Variants in DYNC1H1 observed in about 807,000 individuals in gnomAD.
The protein encoded by DYNC1H1 is cytoplasmic dynein 1 heavy chain 1.
In DYNC1H1, 51 loss-of-function variants were observed where a neutral mutation model predicts 527.1. The ratio of observed to expected loss-of-function variants is 0.10; its 90% confidence interval spans 0.08 to 0.12. The LOEUF is 0.12. Ranked by LOEUF, DYNC1H1 falls within the 10% of genes least tolerant of loss-of-function variation. The pLI, the probability that DYNC1H1 is intolerant of heterozygous loss-of-function variation, is 1.00. For missense variants in DYNC1H1, 2,771 were observed against 5,971.8 expected, an observed-to-expected ratio of 0.46 and a Z score of 17.66; for synonymous variants, 2,189 against 2,278.8, an observed-to-expected ratio of 0.96 and a Z score of 1.12.
At chr14:101,984,122 C>T (rs1325821122) in intron 7 of DYNC1H1, among the ~76,000 whole-genome samples, 5 of 151,956 alleles carry the variant, frequency 3.3e-5, no homozygotes, top group African/African-American at 7.3e-5. Context: ...CGCACCCCAC[C>T]ATGCCCAGCT....
At position 102,010,489 on chromosome 14, in the gene DYNC1H1, C is replaced by T. The variant is rs1456859090; in HGVS notation, c.6405+30C>T. The T allele has an allele frequency of 1.9e-6, 3 of 1,611,500 alleles. No homozygotes were observed. The highest frequency in any genetic ancestry group is 2.5e-6 in the Non-Finnish European group (3 of 1,178,632). On this transcript the variant is annotated intron_variant, in intron 31 of 77. Transcript: ENST00000360184. This position sits in a 1 kb window ranked among gnomAD's most constrained non-coding sequence, Gnocchi z 6.0. ...GTTACAAACGTTTTGATCACTCAAA[C>T]CTTATACGTTATTTAAATTTACCTT...
chr14:101,995,420 G>C, intron 15 of DYNC1H1, 120 bp downstream of exon 15: 1 of 1,257,474 alleles, frequency 8.0e-7, no homozygotes, highest in Non-Finnish European at 1.2e-6. Flanking sequence ...GACCATCCTG[G>C]CTAACACGGT....
At position 101,980,371 on chromosome 14, in the gene DYNC1H1, A is replaced by C; in HGVS notation, c.782A>C (p.Lys261Thr). ...RWIREIQKVT[K>T]LDRDPASGTA... ...GTTATTTTATTTTCAAAGGTGACCA[A>C]ACTGGATCGAGATCCTGCATCAGGA... Residue 261 changes from lysine (K) to threonine (T), a missense_variant, in exon 5 of 78, where the codon AAA becomes ACA. Physicochemically the swap from Lys to Thr is moderately conservative, Grantham distance 78. Transcript: ENST00000360184. 1.2e-6 allele frequency: 2 copies of C among 1,614,198 alleles called. No individual in the cohort carries two copies. Among genetic ancestry groups the C allele is most frequent in the Non-Finnish European group, 1.7e-6 (2 of 1,180,050 alleles).
rs1367705340 is a variant in DYNC1H1, at chr14:102,010,918, A to C, written c.6584A>C (p.Asp2195Ala). Residue 2195 changes from aspartate (D) to alanine (A), a missense_variant, in exon 32 of 78, where the codon GAT (aspartate) becomes GCT (alanine). Coordinates refer to ENST00000360184, the MANE Select transcript of DYNC1H1 (RefSeq NM_001376.5). The surrounding 1 kb of genome is among the most constrained non-coding windows in gnomAD (Gnocchi z 6.0). ...VCQEMYLTYG[D>A]GEEVGGMWVE... ...CAGGAGATGTATTTGACATATGGAGATGGAGAAGAAGTTGGTGGAATGTGG... is the reference window on the plus strand; with the variant it reads ...CAGGAGATGTATTTGACATATGGAGCTGGAGAAGAAGTTGGTGGAATGTGG... The C allele has an allele frequency of 1.9e-6, 3 of 1,614,210 alleles. No homozygotes were observed. The highest frequency in any genetic ancestry group is 2.5e-6 in the Non-Finnish European group (3 of 1,180,038).
chr14:102,046,507 T>C (rs1228323267), intron 72 of DYNC1H1, among the ~76,000 whole-genome samples: 4 of 131,828 alleles, frequency 3.0e-5, no homozygotes, highest in Non-Finnish European at 6.9e-5. Flanking sequence ...GCTGGGCGGG[T>C]CTGGAGGGAG....
At chr14:102,025,165 G>A (rs1294800780) in intron 43 of DYNC1H1, among the ~76,000 whole-genome samples, 3 of 151,968 alleles carry the variant, frequency 2.0e-5, no homozygotes, top group South Asian at 2.1e-4. Flanking sequence ...GTGAAACCCC[G>A]TCTCGCCGAG....
chr14:102,047,988 A>T lies in DYNC1H1; in HGVS notation c.13178A>T (p.Gln4393Leu). 1 of 1,612,428 alleles carries T rather than the reference A, an allele frequency of 6.2e-7. No individual in the cohort carries two copies. The highest frequency in any genetic ancestry group is 8.5e-7 in the Non-Finnish European group (1 of 1,179,968). The change falls in exon 73 of 78, where the codon CAG (glutamine) becomes CTG (leucine). Residue 4393 changes from glutamine to leucine, a missense_variant. This residue lies in a region of DYNC1H1 where 170 missense variants were observed against 249.8 expected (regional missense o/e 0.68). Coordinates refer to ENST00000360184, the MANE Select transcript of DYNC1H1 (RefSeq NM_001376.5). ...TCCAACTGGCTGCACCTCATCCCCCAGACGCTGAGCCACCTCAAGCGCACC... is the reference window on the plus strand; with the variant it reads ...TCCAACTGGCTGCACCTCATCCCCCTGACGCTGAGCCACCTCAAGCGCACC... ...TASNWLHLIPQTLSHLKRTVE... is the reference protein window; with the variant it reads ...TASNWLHLIPLTLSHLKRTVE...
chr14:102,010,639 C>G lies in DYNC1H1; in HGVS notation c.6406-101C>G. 1 of 1,539,258 alleles carries G rather than the reference C, an allele frequency of 6.5e-7. No individual in the cohort carries two copies. Among genetic ancestry groups the G allele is most frequent in the Non-Finnish European group, 8.9e-7 (1 of 1,122,508 alleles). On this transcript the variant is annotated intron_variant, in intron 31 of 77. Transcript: ENST00000360184. The surrounding 1 kb of genome is among the most constrained non-coding windows in gnomAD (Gnocchi z 6.0). ...GAATGTGGGCGAGTGGTGCTCGCAC[C>G]CTTTGTTCACCAACAGTTACTGATC...
intron 55 of DYNC1H1, 30 bp downstream of exon 55, chr14:102,034,218 G>C: frequency 6.2e-7 from 1 of 1,614,216 alleles, no homozygotes; most frequent in South Asian, 1.1e-5. Context: ...CAAAAAGGAT[G>C]TGCGAGCAGT....
chr14:101,986,811 A>G lies in DYNC1H1; in HGVS notation c.2538+48A>G, dbSNP rs1233896233. On this transcript the variant is annotated intron_variant, in intron 8 of 77. Coordinates refer to ENST00000360184, the MANE Select transcript of DYNC1H1 (RefSeq NM_001376.5). The surrounding 1 kb of genome is among the most constrained non-coding windows in gnomAD (Gnocchi z 8.7). The stretch of plus-strand genomic sequence containing the variant: ...GGTGTCCTGGTAACGAATGAAGCAC[A>G]GTAATAGCGAGCTCAGTTAAAACAC... The G allele has an allele frequency of 8.7e-6, 14 of 1,601,730 alleles. No individual in the cohort carries two copies. Among genetic ancestry groups the G allele is most frequent in the African/African-American group, 1.3e-5 (1 of 74,680 alleles).
At chr14:101,974,293 T>G (rs2141265802) in intron 1 of DYNC1H1, among the ~76,000 whole-genome samples, 1 of 152,198 alleles carries the variant, frequency 6.6e-6, no homozygotes, top group Non-Finnish European at 1.5e-5. Flanking sequence ...GAGACGGGGT[T>G]TCTCCTTGTT....
intron 23 of DYNC1H1, among the ~76,000 whole-genome samples, chr14:102,003,857 C>T (rs1036861453): frequency 1.3e-5 from 2 of 151,922 alleles, no homozygotes; most frequent in East Asian, 1.9e-4. Flanking sequence ...ATCCGGGAGG[C>T]GGAGGTTGCA....
chr14:102,050,463 C>T lies in DYNC1H1; in HGVS notation c.13841C>T (p.Thr4614Ile), dbSNP rs751439366. ...VVTLPVYLNF[T>I]RADLIFTVDF... ...ACCTTACCTGTCTACCTGAACTTCA[C>T]CCGTGCAGACCTCATCTTCACCGTG... Residue 4614 changes from threonine (T) to isoleucine (I), a missense_variant, in exon 78 of 78, where the codon ACC (threonine) becomes ATC (isoleucine). Coordinates refer to ENST00000360184, the MANE Select transcript of DYNC1H1 (RefSeq NM_001376.5). 6.2e-7 allele frequency: 1 copy of T among 1,614,118 alleles called. No homozygotes were observed. The highest frequency in any genetic ancestry group is 8.5e-7 in the Non-Finnish European group (1 of 1,180,060).
chr14:101,973,151 C>T (rs1036602573), intron 1 of DYNC1H1, among the ~76,000 whole-genome samples: 3 of 151,906 alleles, frequency 2.0e-5, no homozygotes, highest in African/African-American at 7.3e-5. Flanking sequence ...TCCAAATATA[C>T]CCAAAACAAT....
rs149824412 is a variant in DYNC1H1 at position 102,044,271 on chromosome 14, C to A, written c.12685-3C>A. Reference sequence around the variant, plus strand: ...CACACGAACCCTGCTTTTCCTCCCCCAGGGCAGGCAGAACATCTCACCGGA... The same window carrying A: ...CACACGAACCCTGCTTTTCCTCCCCAAGGGCAGGCAGAACATCTCACCGGA... On this transcript the variant is annotated splice_region_variant and splice_polypyrimidine_tract_variant and intron_variant, in intron 70 of 77. Transcript: ENST00000360184. The surrounding 1 kb of genome is among the most constrained non-coding windows in gnomAD (Gnocchi z 7.1). 6.2e-7 allele frequency: 1 copy of A among 1,613,940 alleles called. No individual in the cohort carries two copies. The highest frequency in any genetic ancestry group is 1.1e-5 in the South Asian group (1 of 91,048).
At chr14:101,975,163 A>G (rs556501400) in intron 1 of DYNC1H1, among the ~76,000 whole-genome samples, 140 of 152,338 alleles carry the variant, frequency 9.2e-4, no homozygotes, top group African/African-American at 3.2e-3. Flanking sequence ...CCACCCAAGT[A>G]TCTGTGGGCA....
At position 101,977,297 on chromosome 14, in the gene DYNC1H1, C is replaced by T. The variant is rs191583181; in HGVS notation, c.344+1498C>T. Among the ~76,000 whole-genome samples the T allele has an allele frequency of 1.3e-4, 20 of 152,200 alleles. 2 individuals are homozygous for T. The highest frequency in any genetic ancestry group is 2.4e-4 in the African/African-American group (10 of 41,526). The stretch of plus-strand genomic sequence containing the variant: ...AATATGTAAATGTCATAATGGATTC[C>T]GCATTTTTTTAAGCTTATTTTGAGT... On this transcript the variant is annotated intron_variant, in intron 2 of 77. Coordinates refer to ENST00000360184, the MANE Select transcript of DYNC1H1 (RefSeq NM_001376.5).
At position 101,985,199 on chromosome 14, in the gene DYNC1H1, T is replaced by C. The variant is rs2141274152; in HGVS notation, c.1462-488T>C. ...TCTGTGACTGGAATGCTTTATTTAGTCTCTTTTTCAGAGAGTCCTTCTCTG... is the reference window on the plus strand; with the variant it reads ...TCTGTGACTGGAATGCTTTATTTAGCCTCTTTTTCAGAGAGTCCTTCTCTG... On this transcript the variant is annotated intron_variant, in intron 7 of 77. Coordinates refer to ENST00000360184, the MANE Select transcript of DYNC1H1 (RefSeq NM_001376.5). The surrounding 1 kb of genome is among the most constrained non-coding windows in gnomAD (Gnocchi z 5.9). 6.6e-6 allele frequency among the ~76,000 whole-genome samples: 1 copy of C among 152,306 alleles called. No homozygotes were observed. Among genetic ancestry groups the C allele is most frequent in the South Asian group, 2.1e-4 (1 of 4,824 alleles).
Position 102,044,121 on chromosome 14 carries a change from CCA to C in DYNC1H1, c.12684+77_12684+78del. On this transcript the variant is annotated intron_variant, in intron 70 of 77. Transcript: ENST00000360184. The surrounding 1 kb of genome is among the most constrained non-coding windows in gnomAD (Gnocchi z 7.1). Reference sequence around the variant, plus strand: ...TGCTGCAGGGCGTGGTGCTGAGAGGCCAGACTCTGCGTGGAAGAGCGAGCTGA... The same window carrying C: ...TGCTGCAGGGCGTGGTGCTGAGAGGCGACTCTGCGTGGAAGAGCGAGCTGA... The C allele has an allele frequency of 1.9e-6, 3 of 1,595,606 alleles. No individual in the cohort carries two copies. Among genetic ancestry groups the C allele is most frequent in the Non-Finnish European group, 1.7e-6 (2 of 1,174,312 alleles).
Sources: gnomAD v4.1 joint callset for allele counts (sites outside exome capture counted in the v4.1 genomes callset) on GRCh38, gnomAD v4.1.1 for gene constraint, gnomAD v4.1.1 regional missense constraint, Gnocchi (gnomAD v3.1) non-coding constraint, MANE v1.5 for transcripts, NCBI Gene and HGNC (gene_info 2026-07-23, HGNC 2026-07-21) for gene names.